The following ELMO1 variants were observed in gnomAD, a reference collection of about 807,000 sequenced individuals.
The protein encoded by ELMO1 is engulfment and cell motility protein 1.
In ELMO1, 26 loss-of-function variants were observed where a neutral mutation model predicts 98.9. The ratio of observed to expected loss-of-function variants is 0.26; its 90% CI spans 0.19 to 0.36. The LOEUF (loss-of-function observed/expected upper bound fraction) is 0.36. Ranked by LOEUF, ELMO1 falls within the 10% of genes least tolerant of loss-of-function variation. ELMO1 has a pLI of 1.00. For synonymous variants in ELMO1, 346 were observed against 346.0 expected, an observed-to-expected ratio of 1.00 and a Z score of 0.00; for missense variants, 627 against 935.2, an observed-to-expected ratio of 0.67 and a Z score of 4.30.
At chr7:36,898,669 G>C (rs1558690) in intron 16 of ELMO1, among the ~76,000 whole-genome samples, 145,300 of 152,306 alleles carry the variant, frequency 0.95, 69,396 homozygotes, top group East Asian at 1. Flanking sequence ...ATTGCAAGAC[G>C]TACTGAGGCT....
chr7:37,212,721 G>A (rs777542173), intron 12 of ELMO1, among the ~76,000 whole-genome samples: 1 of 152,160 alleles, frequency 6.6e-6, no homozygotes, highest in Non-Finnish European at 1.5e-5. Flanking sequence ...AAGCTGCAGC[G>A]CTGTTTAAGT....
rs1053340939 is a variant in ELMO1, at chr7:36,855,872, C to T, written c.1984-121G>A. On this transcript the variant is annotated intron_variant, in intron 21 of 21. Transcript: ENST00000310758. The surrounding 1 kb of genome is among the most constrained non-coding windows in gnomAD (Gnocchi z 4.2). ...GGCTGTGCGCTAAGGGCTCTGCCTA[C>T]TTCGTCATTTCATATTTGGCGACAT... The T allele has an allele frequency of 8.5e-5, 95 of 1,124,120 alleles. No homozygotes were observed. The highest frequency in any genetic ancestry group is 1.1e-4 in the Non-Finnish European group (86 of 777,462). The allele number at this position is 1,124,120 out of a possible 1,614,324, so 69.6% of individuals were successfully genotyped here.
intron 17 of ELMO1, among the ~76,000 whole-genome samples, chr7:36,890,955 T>G (rs1805499900): frequency 6.6e-6 from 1 of 152,174 alleles, no homozygotes; most frequent in Non-Finnish European, 1.5e-5. Flanking sequence ...TGCTCCAACC[T>G]CAGGGCCTTT....
chr7:37,346,517 G>A (rs985255839), intron 1 of ELMO1, among the ~76,000 whole-genome samples: 3 of 152,072 alleles, frequency 2.0e-5, no homozygotes, highest in African/African-American at 4.8e-5. Context: ...TCTGTACTTC[G>A]GACTTCCTCT....
intron 13 of ELMO1, chr7:37,211,133 C>T: frequency 2.4e-6 from 1 of 408,746 alleles, no homozygotes; most frequent in Non-Finnish European, 4.4e-6. Context: ...GGGCTAACTA[C>T]TCTCGGTTAC....
At chr7:37,015,851 A>T (rs1793898893) in intron 15 of ELMO1, among the ~76,000 whole-genome samples, 2 of 152,212 alleles carry the variant, frequency 1.3e-5, no homozygotes, top group Non-Finnish European at 2.9e-5. Flanking sequence ...TTCAACAGTT[A>T]GAAGCAAAAA....
At chr7:37,337,478 T>C (rs1322059380) in intron 2 of ELMO1, among the ~76,000 whole-genome samples, 1 of 151,098 alleles carries the variant, frequency 6.6e-6, no homozygotes, top group Non-Finnish European at 1.5e-5. Context: ...TATACATATG[T>C]AACTAACCCG....
At chr7:37,362,388 A>G (rs1048033364) in intron 1 of ELMO1, among the ~76,000 whole-genome samples, 5 of 152,154 alleles carry the variant, frequency 3.3e-5, no homozygotes, top group Non-Finnish European at 7.4e-5. Flanking sequence ...ACTGTCCCCC[A>G]GTGGACATCT....
intron 14 of ELMO1, among the ~76,000 whole-genome samples, chr7:37,115,073 A>C (rs551710562): frequency 6.6e-6 from 1 of 152,308 alleles, no homozygotes; most frequent in Non-Finnish European, 1.5e-5. Flanking sequence ...ATCTGAAGAG[A>C]CCTATATCTA....
At chr7:37,067,535 T>TAGA (rs1388151142) in intron 15 of ELMO1, among the ~76,000 whole-genome samples, 1 of 152,092 alleles carries the variant, frequency 6.6e-6, no homozygotes, top group Admixed American at 6.6e-5. Context: ...TACAGTCATC[T>TAGA]GTTTCATCAT....
chr7:37,342,042 TC>T lies in ELMO1; in HGVS notation c.78+570del, dbSNP rs1180608996. On this transcript the variant is annotated intron_variant, in intron 2 of 21. Coordinates refer to ENST00000310758, the MANE Select transcript of ELMO1 (RefSeq NM_014800.11). The surrounding 1 kb of genome is among the most constrained non-coding windows in gnomAD (Gnocchi z 4.3). ...ATAAGTCTTCTTGATATTTTTTAAT[TC>T]AATAAACATTTGTTGAGTATTTACT... Among the ~76,000 whole-genome samples, 1 of 152,176 alleles carries T rather than the reference TC, an allele frequency of 6.6e-6. No individual in the cohort carries two copies. Among genetic ancestry groups the T allele is most frequent in the Non-Finnish European group, 1.5e-5 (1 of 68,030 alleles).
At chr7:36,928,745 G>T (rs1785784263) in intron 16 of ELMO1, among the ~76,000 whole-genome samples, 1 of 152,156 alleles carries the variant, frequency 6.6e-6, no homozygotes, top group Non-Finnish European at 1.5e-5. Flanking sequence ...CCACCCACCA[G>T]GGCTGTGGGA....
At chr7:37,396,163 T>C (rs1295843859) in intron 1 of ELMO1, among the ~76,000 whole-genome samples, 3 of 152,166 alleles carry the variant, frequency 2.0e-5, no homozygotes, top group African/African-American at 7.2e-5. Context: ...ATCCATCTTG[T>C]ATCAGGCCAC....
intron 16 of ELMO1, among the ~76,000 whole-genome samples, chr7:36,896,524 C>A (rs925608292): frequency 6.6e-5 from 10 of 152,170 alleles, no homozygotes; most frequent in Non-Finnish European, 1.5e-4. Flanking sequence ...TGGAAATAGA[C>A]AGATAATCTG....
chr7:37,184,414 T>C (rs1472251296), intron 13 of ELMO1, among the ~76,000 whole-genome samples: 1 of 152,192 alleles, frequency 6.6e-6, no homozygotes, highest in Non-Finnish European at 1.5e-5. Flanking sequence ...TCTGGCTACC[T>C]TTGTGTTCTG....
intron 16 of ELMO1, among the ~76,000 whole-genome samples, chr7:36,918,314 C>T (rs968310159): frequency 6.6e-6 from 1 of 152,160 alleles, no homozygotes; most frequent in Non-Finnish European, 1.5e-5. Flanking sequence ...AGGAGGTGCT[C>T]AACACCTATT....
intron 1 of ELMO1, among the ~76,000 whole-genome samples, chr7:37,448,343 G>A (rs1339982250): frequency 7.3e-5 from 11 of 150,142 alleles, no homozygotes; most frequent in South Asian, 2.1e-4. Flanking sequence ...GTCTCGGCGG[G>A]CTCCCGGGCC....
chr7:36,867,395 G>A (rs1172053258), intron 20 of ELMO1, among the ~76,000 whole-genome samples: 2 of 152,006 alleles, frequency 1.3e-5, no homozygotes, highest in African/African-American at 2.4e-5. Context: ...CTGTTATATG[G>A]GTGACTCTCA....
intron 1 of ELMO1, among the ~76,000 whole-genome samples, chr7:37,424,793 G>A (rs2131543663): frequency 6.6e-6 from 1 of 152,026 alleles, no homozygotes; most frequent in East Asian, 1.9e-4. Context: ...ATTTCAATCT[G>A]GGGACCTCTT....
Sources: allele counts gnomAD v4.1 joint callset (sites outside exome capture counted in the v4.1 genomes callset), GRCh38; gene constraint gnomAD v4.1.1; non-coding constraint Gnocchi (gnomAD v3.1); transcripts MANE v1.5; gene names NCBI Gene and HGNC (gene_info 2026-07-23, HGNC 2026-07-21).